PRKN: variants seen among roughly 807,000 people sequenced by gnomAD.
The protein encoded by PRKN is parkin RBR E3 ubiquitin protein ligase, also known as E3 ubiquitin-protein ligase parkin.
In PRKN, 56 loss-of-function variants were observed where a neutral mutation model predicts 59.5. The observed-to-expected ratio is 0.94, with a 90% CI of 0.76 to 1.18. The LOEUF (loss-of-function observed/expected upper bound fraction) is 1.18, where lower values mean the gene tolerates loss of function less well. PRKN is among the 50% of genes most tolerant of loss of function. The pLI is 0.00. For synonymous variants in PRKN, 250 were observed against 222.1 expected (o/e 1.13, Z -1.12); for missense variants, 657 against 596.4 (o/e 1.10, Z -1.06).
chr6:162,205,876 T>C lies in PRKN; in HGVS notation c.413-4624A>G, dbSNP rs114667573. Among the ~76,000 whole-genome samples the C allele has an allele frequency of 7.7e-3, 1,165 of 152,280 alleles. 9 individuals carry two copies. The highest frequency in any genetic ancestry group is 0.027 in the African/African-American group (1,111 of 41,550). On this transcript the variant is annotated intron_variant, in intron 3 of 11. Transcript: ENST00000366898. ...AGTAGTTTCAATTTAAATAGCTGTCTGTGGGTAGCAGCTACCAAACTAGAA... is the reference window on the plus strand; with the variant it reads ...AGTAGTTTCAATTTAAATAGCTGTCCGTGGGTAGCAGCTACCAAACTAGAA...
At chr6:161,521,950 A>G (rs1002877193) in intron 9 of PRKN, among the ~76,000 whole-genome samples, 1 of 152,168 alleles carries the variant, frequency 6.6e-6, no homozygotes, top group Non-Finnish European at 1.5e-5. Flanking sequence ...CATGTAATCC[A>G]TCAGAACAGA....
chr6:161,602,866 A>C (rs1782155764), intron 7 of PRKN, among the ~76,000 whole-genome samples: 1 of 152,222 alleles, frequency 6.6e-6, no homozygotes, highest in African/African-American at 2.4e-5. Flanking sequence ...CCTTGCCCTC[A>C]AAGAGCCCAC....
At chr6:162,635,100 A>C (rs1211849187) in intron 1 of PRKN, among the ~76,000 whole-genome samples, 1 of 152,016 alleles carries the variant, frequency 6.6e-6, no homozygotes, top group African/African-American at 2.4e-5. Flanking sequence ...ACTTGACTTG[A>C]TTTCTTCCTT....
intron 7 of PRKN, among the ~76,000 whole-genome samples, chr6:161,669,413 C>A (rs1784831951): frequency 1.3e-5 from 2 of 152,208 alleles, no homozygotes; most frequent in South Asian, 4.1e-4. Flanking sequence ...TCAGTGCCTC[C>A]CCTGCAGCCA....
intron 6 of PRKN, among the ~76,000 whole-genome samples, chr6:161,813,819 C>A (rs1221134410): frequency 1.3e-5 from 2 of 152,190 alleles, no homozygotes; most frequent in East Asian, 3.9e-4. Flanking sequence ...ACTAAGCAGG[C>A]CACTTACTTC....
rs547357447 is a variant in PRKN at position 162,343,931 on chromosome 6, G to C, written c.172-81166C>G. The stretch of plus-strand genomic sequence containing the variant: ...CCATGAGCAATAGAAAAAAAGGAAA[G>C]TTATTTAATATATTAGAAAACCCTA... On this transcript the variant is annotated intron_variant, in intron 2 of 11. Coordinates refer to ENST00000366898, the MANE Select transcript of PRKN (RefSeq NM_004562.3). 2.4e-4 allele frequency among the ~76,000 whole-genome samples: 37 copies of C among 152,248 alleles called. No homozygotes were observed. The South Asian group carries it at 7.1e-3, about 29-fold the overall frequency.
intron 1 of PRKN, among the ~76,000 whole-genome samples, chr6:162,495,272 A>C (rs1206201848): frequency 6.6e-6 from 1 of 152,222 alleles, no homozygotes; most frequent in Non-Finnish European, 1.5e-5. Context: ...TGTTCCAAAA[A>C]GATCTAAGTA....
At chr6:162,077,789 CAGA>C (rs1439670365) in intron 4 of PRKN, among the ~76,000 whole-genome samples, 1 of 151,884 alleles carries the variant, frequency 6.6e-6, no homozygotes, top group Non-Finnish European at 1.5e-5. Context: ...CACCTGAGAT[CAGA>C]AGTTCAAGAC....
At chr6:162,260,305 C>T (rs1449797689) in intron 3 of PRKN, among the ~76,000 whole-genome samples, 1 of 152,116 alleles carries the variant, frequency 6.6e-6, no homozygotes, top group Non-Finnish European at 1.5e-5. Flanking sequence ...CAAGGTGAAA[C>T]AGCGCATCAT....
At chr6:162,409,972 A>G (rs1198417957) in intron 2 of PRKN, among the ~76,000 whole-genome samples, 1 of 152,208 alleles carries the variant, frequency 6.6e-6, no homozygotes, top group Non-Finnish European at 1.5e-5. Context: ...TTTTATTTCC[A>G]CCAGTGAAAA....
intron 1 of PRKN, among the ~76,000 whole-genome samples, chr6:162,636,381 G>T (rs1777713353): frequency 6.6e-6 from 1 of 152,124 alleles, no homozygotes; most frequent in Non-Finnish European, 1.5e-5. Context: ...GGAGCAATGT[G>T]GGGGAGAAAT....
intron 2 of PRKN, among the ~76,000 whole-genome samples, chr6:162,303,743 G>T (rs978837570): frequency 5.3e-5 from 8 of 152,138 alleles, no homozygotes; most frequent in Non-Finnish European, 1.5e-5. Context: ...TACATGTATA[G>T]TTGGCTATCT....
chr6:161,959,126 C>T (rs552151488), intron 6 of PRKN, among the ~76,000 whole-genome samples: 4 of 152,262 alleles, frequency 2.6e-5, no homozygotes, highest in East Asian at 1.9e-4. Context: ...AACAACTTTT[C>T]GCAGGATTCA....
intron 4 of PRKN, among the ~76,000 whole-genome samples, chr6:162,107,773 C>T (rs1229892605): frequency 6.6e-6 from 1 of 152,154 alleles, no homozygotes; most frequent in South Asian, 2.1e-4. Flanking sequence ...GATGTGTCTA[C>T]CAGGGCAGGC....
Position 161,746,194 on chromosome 6 carries a change from T to G in PRKN, c.871+39578A>C, listed in dbSNP as rs149515284. Among the ~76,000 whole-genome samples the G allele has an allele frequency of 4.0e-3, 611 of 152,208 alleles. 5 individuals carry two copies. The highest frequency in any genetic ancestry group is 0.014 in the African/African-American group (578 of 41,540). On this transcript the variant is annotated intron_variant, in intron 7 of 11. Transcript: ENST00000366898. ...AGTGAAACTAAGATGTAAATACAAGTCTCTCTGTTGCCAAAACCCAGGACC... is the reference window on the plus strand; with the variant it reads ...AGTGAAACTAAGATGTAAATACAAGGCTCTCTGTTGCCAAAACCCAGGACC...
chr6:162,727,332 G>GGGGCGAAGGTGAGGGGCGGCGGCC, intron 1 of PRKN: 1 of 391,490 alleles, frequency 2.6e-6, no homozygotes. Flanking sequence ...GGGCGGCGGC[G>GGGGCGAAGGTGAGGGGCGGCGGCC]GGGAGAAGGC....
At chr6:161,465,020 C>T (rs1341153321) in intron 9 of PRKN, among the ~76,000 whole-genome samples, 3 of 152,196 alleles carry the variant, frequency 2.0e-5, no homozygotes, top group African/African-American at 4.8e-5. Flanking sequence ...CGATAGGCTG[C>T]GATCCTCTCC....
chr6:162,102,076 C>A (rs1156232114), intron 4 of PRKN, among the ~76,000 whole-genome samples: 2 of 152,156 alleles, frequency 1.3e-5, no homozygotes, highest in South Asian at 4.1e-4. Flanking sequence ...ACAGGACGTG[C>A]AGGTTTGTTA....
At chr6:161,883,411 C>T (rs988984404) in intron 6 of PRKN, among the ~76,000 whole-genome samples, 1 of 150,664 alleles carries the variant, frequency 6.6e-6, no homozygotes, top group Non-Finnish European at 1.5e-5. Context: ...GGCTTGAGCC[C>T]AGGAGGCTGA....
Sources: allele counts gnomAD v4.1 joint callset (sites outside exome capture counted in the v4.1 genomes callset), GRCh38; gene constraint gnomAD v4.1.1; transcripts MANE v1.5; gene names NCBI Gene and HGNC (gene_info 2026-07-23, HGNC 2026-07-21).